Variants in SPAG9 observed in about 807,000 individuals in gnomAD.
SPAG9 encodes the protein sperm associated antigen 9.
Under a neutral mutation model 166.5 loss-of-function variants are expected in SPAG9, and 35 were observed. That is an observed-to-expected ratio of 0.21 (90% CI 0.16 to 0.28). SPAG9 has a LOEUF of 0.28. Ranked by LOEUF, SPAG9 falls within the 10% of genes least tolerant of loss-of-function variation. The probability of loss-of-function intolerance (pLI) is 1.00; values close to 1 mark genes in which losing one functional copy is unlikely to be tolerated. For synonymous variants in SPAG9, 534 were observed against 565.5 expected, an observed-to-expected ratio of 0.94 and a Z score of 0.79; for missense variants, 1,235 against 1,603.3, an observed-to-expected ratio of 0.77 and a Z score of 3.92.
intron 1 of SPAG9, among the ~76,000 whole-genome samples, chr17:51,094,303 AAG>A (rs1273943192): frequency 6.6e-6 from 1 of 152,208 alleles, no homozygotes; most frequent in Admixed American, 6.5e-5. Flanking sequence ...TCTAGCCTGA[AAG>A]AGAGAAACCA....
Position 51,089,390 on chromosome 17 carries a change from C to T in SPAG9, c.304-9686G>A, listed in dbSNP as rs1007781864. 2.0e-5 allele frequency among the ~76,000 whole-genome samples: 3 copies of T among 151,564 alleles called. No individual in the cohort carries two copies. The East Asian group carries it at 5.8e-4, about 29-fold the overall frequency. On this transcript the variant is annotated intron_variant, in intron 1 of 29. Transcript: ENST00000262013. ...ACTGAGGTGAGACTGTGCCATTGCA[C>T]TCCAGCCTGGGCAACAAGAGTGAAA... is the stretch of plus-strand genomic sequence containing the variant.
intron 3 of SPAG9, among the ~76,000 whole-genome samples, chr17:51,053,289 C>T (rs1298904404): frequency 2.0e-5 from 3 of 151,846 alleles, no homozygotes; most frequent in Non-Finnish European, 4.4e-5. Flanking sequence ...CTTTGGGAGG[C>T]CAAGGTAGGA....
At chr17:51,115,253 A>T (rs2049250811) in intron 1 of SPAG9, among the ~76,000 whole-genome samples, 1 of 152,090 alleles carries the variant, frequency 6.6e-6, no homozygotes, top group Non-Finnish European at 1.5e-5. Flanking sequence ...TGCCGTGGCC[A>T]TGATAACTCA....
At chr17:50,999,457 T>C (rs2044828953) in intron 14 of SPAG9, 3 of 1,498,068 alleles carry the variant, frequency 2.0e-6, no homozygotes, top group Non-Finnish European at 1.8e-6. Context: ...ATATTTTTTG[T>C]CCTTGAGAAG....
At chr17:50,968,217 T>C (rs533476114) in intron 29 of SPAG9, among the ~76,000 whole-genome samples, 1 of 152,336 alleles carries the variant, frequency 6.6e-6, no homozygotes, top group East Asian at 1.9e-4. Flanking sequence ...CTTAAAAGTG[T>C]CAACAAACTT....
At chr17:50,967,798 C>A (rs139597126) in intron 29 of SPAG9, among the ~76,000 whole-genome samples, 177 of 152,212 alleles carry the variant, frequency 1.2e-3, no homozygotes, top group African/African-American at 4.1e-3. Flanking sequence ...AGGAAATGGA[C>A]CCCCAAAAAA....
At chr17:51,007,179 C>A in intron 10 of SPAG9, 90 bp downstream of exon 10, 1 of 672,222 alleles carries the variant, frequency 1.5e-6, no homozygotes, top group Non-Finnish European at 2.6e-6. Flanking sequence ...CAGGGAGATT[C>A]CATTAGTATT....
intron 12 of SPAG9, among the ~76,000 whole-genome samples, chr17:51,002,353 G>T (rs2044992596): frequency 6.6e-6 from 1 of 151,886 alleles, no homozygotes; most frequent in Non-Finnish European, 1.5e-5. Flanking sequence ...TGACTACAAA[G>T]ATAAAAGGCA....
At chr17:50,971,153 A>C (rs927234862) in intron 28 of SPAG9, among the ~76,000 whole-genome samples, 3 of 152,080 alleles carry the variant, frequency 2.0e-5, no homozygotes, top group African/African-American at 7.2e-5. Flanking sequence ...TCTCTACCAA[A>C]AAAGTTAGCC....
chr17:51,059,197 A>G (rs1313740199), intron 2 of SPAG9, among the ~76,000 whole-genome samples: 1 of 152,200 alleles, frequency 6.6e-6, no homozygotes, highest in Non-Finnish European at 1.5e-5. Flanking sequence ...ACAAGTCAGG[A>G]TAGTAGTTAC....
At chr17:50,978,737 T>C (rs1185406962) in intron 26 of SPAG9, among the ~76,000 whole-genome samples, 1 of 152,066 alleles carries the variant, frequency 6.6e-6, no homozygotes, top group Non-Finnish European at 1.5e-5. Context: ...CAGCAGCACA[T>C]GTGAGGACCC....
At chr17:51,098,707 G>T (rs1358155363) in intron 1 of SPAG9, among the ~76,000 whole-genome samples, 1 of 151,872 alleles carries the variant, frequency 6.6e-6, no homozygotes, top group East Asian at 2.0e-4. Flanking sequence ...TTGTCAGGCT[G>T]GTCTGAACTT....
intron 28 of SPAG9, among the ~76,000 whole-genome samples, chr17:50,973,434 T>C (rs561758235): frequency 6.6e-6 from 1 of 152,244 alleles, no homozygotes; most frequent in Admixed American, 6.5e-5. Flanking sequence ...GAAATGACTA[T>C]ACAAATATAT....
At chr17:51,113,464 G>C (rs1443221496) in intron 1 of SPAG9, among the ~76,000 whole-genome samples, 1 of 151,844 alleles carries the variant, frequency 6.6e-6, no homozygotes, top group Non-Finnish European at 1.5e-5. Context: ...TGGATCACCT[G>C]AGGTTAGGAG....
chr17:51,074,321 A>C (rs936303502), intron 2 of SPAG9, among the ~76,000 whole-genome samples: 1 of 152,242 alleles, frequency 6.6e-6, no homozygotes, highest in Non-Finnish European at 1.5e-5. Flanking sequence ...GCTACTCGGG[A>C]GGCTGAGGCA....
At chr17:51,017,316 G>A (rs897003741) in intron 8 of SPAG9, among the ~76,000 whole-genome samples, 2 of 152,136 alleles carry the variant, frequency 1.3e-5, no homozygotes, top group African/African-American at 4.8e-5. Context: ...GAAAAAGGGA[G>A]GGATGAAGGA....
At chr17:50,969,061 T>C (rs1973574056) in intron 29 of SPAG9, among the ~76,000 whole-genome samples, 1 of 151,984 alleles carries the variant, frequency 6.6e-6, no homozygotes, top group Non-Finnish European at 1.5e-5. Context: ...GCCTCCTGAA[T>C]AGCTGGGATT....
chr17:51,031,355 C>T (rs1347980401), intron 6 of SPAG9: 1 of 337,948 alleles, frequency 3.0e-6, no homozygotes, highest in Non-Finnish European at 5.6e-6. Context: ...AAGTTACATA[C>T]ATTATGCCCT....
At chr17:51,076,885 G>T (rs1222611542) in intron 2 of SPAG9, among the ~76,000 whole-genome samples, 1 of 151,960 alleles carries the variant, frequency 6.6e-6, no homozygotes, top group Admixed American at 6.6e-5. Flanking sequence ...TTCATGCTAG[G>T]CATAGTGGCT....
Sources: gnomAD v4.1 joint callset for allele counts (sites outside exome capture counted in the v4.1 genomes callset) on GRCh38, gnomAD v4.1.1 for gene constraint, MANE v1.5 for transcripts, NCBI Gene and HGNC (gene_info 2026-07-23, HGNC 2026-07-21) for gene names.